ZFHX3: variants seen among roughly 807,000 people sequenced by gnomAD.
ZFHX3 encodes the protein zinc finger homeobox 3, also known as zinc finger homeobox protein 3.
Under a neutral mutation model 279.1 loss-of-function variants are expected in ZFHX3, and 42 were observed. That is an observed-to-expected ratio of 0.15 (90% confidence interval 0.12 to 0.19). ZFHX3 has a LOEUF of 0.19. Among genes scored for constraint, ZFHX3 ranks in the 10% least tolerant of loss-of-function variants. The probability of loss-of-function intolerance (pLI) is 1.00; values close to 1 mark genes in which losing one functional copy is unlikely to be tolerated. For missense variants in ZFHX3, 4,981 were observed against 4,754.0 expected (o/e 1.05, Z -1.40); for synonymous variants, 2,293 against 1,957.8 (o/e 1.17, Z -4.52).
chr16:73,800,943 G>A (rs1407190306), intron 1 of ZFHX3, among the ~76,000 whole-genome samples: 3 of 152,096 alleles, frequency 2.0e-5, no homozygotes, highest in African/African-American at 4.8e-5. Context: ...TCCGTTCTTC[G>A]GCCACTTGCC....
chr16:73,251,410 T>G (rs1379614533), intron 5 of ZFHX3, among the ~76,000 whole-genome samples: 1 of 152,154 alleles, frequency 6.6e-6, no homozygotes, highest in Non-Finnish European at 1.5e-5. Flanking sequence ...TGGCTCTAAA[T>G]CTGTTACGTG....
At chr16:72,934,545 T>G (rs1252853810) in intron 3 of ZFHX3, among the ~76,000 whole-genome samples, 2 of 152,260 alleles carry the variant, frequency 1.3e-5, no homozygotes, top group Admixed American at 6.5e-5. Context: ...CTTTGTCCTC[T>G]GTCTAGTTCA....
intron 2 of ZFHX3, among the ~76,000 whole-genome samples, chr16:73,489,649 A>G (rs2019027471): frequency 6.6e-6 from 1 of 152,238 alleles, no homozygotes; most frequent in Non-Finnish European, 1.5e-5. Flanking sequence ...TTCGGTTCTA[A>G]GAAAAAATAT....
intron 4 of ZFHX3, among the ~76,000 whole-genome samples, chr16:73,276,123 T>C (rs1327481850): frequency 2.6e-5 from 4 of 152,114 alleles, no homozygotes; most frequent in Admixed American, 2.0e-4. Flanking sequence ...TTGTGCTGTT[T>C]GTTTAGAAAA....
Position 73,225,335 on chromosome 16 carries a change from G to C in ZFHX3, c.-1104+31712C>G, listed in dbSNP as rs547653854. Among the ~76,000 whole-genome samples, 3 of 152,250 alleles carry C rather than the reference G, an allele frequency of 2.0e-5. No individual in the cohort carries two copies. The South Asian group carries it at 6.2e-4, about 32-fold the overall frequency. ...AAGCCAGGTTTTAAAAGATTTGAGGGCCTGGTGTGGTGGCTCACACTTGTA... is the reference window on the plus strand; with the variant it reads ...AAGCCAGGTTTTAAAAGATTTGAGGCCCTGGTGTGGTGGCTCACACTTGTA... On this transcript the variant is annotated intron_variant, in intron 5 of 17. Transcript: ENST00000641206.
chr16:73,836,809 C>G (rs138557721), intron 1 of ZFHX3, among the ~76,000 whole-genome samples: 1 of 152,308 alleles, frequency 6.6e-6, no homozygotes. Context: ...GTTCGTTAAG[C>G]TAGATTAATG....
Position 73,297,071 on chromosome 16 carries a change from G to A in ZFHX3, c.-1194+21169C>T, listed in dbSNP as rs555912726. On this transcript the variant is annotated intron_variant, in intron 4 of 17. Coordinates refer to the ZFHX3 transcript ENST00000641206. ...TTTTTGTATTTTTAGTAGAGACAGG[G>A]TTTCACCGTGTTAGCCAGGATGGTC... Among the ~76,000 whole-genome samples, 4 of 151,692 alleles carry A rather than the reference G, an allele frequency of 2.6e-5. No homozygotes were observed. In the East Asian group the frequency reaches 7.8e-4, roughly 29 times the overall value.
intron 2 of ZFHX3, among the ~76,000 whole-genome samples, chr16:73,506,899 A>G (rs938004814): frequency 6.6e-6 from 1 of 152,234 alleles, no homozygotes. Flanking sequence ...GCGATAATGC[A>G]TATTTTGTGT....
At chr16:73,105,457 AT>A (rs370445292) in intron 7 of ZFHX3, among the ~76,000 whole-genome samples, 1 of 120,454 alleles carries the variant, frequency 8.3e-6, no homozygotes, top group East Asian at 2.5e-4. Flanking sequence ...ATATATATAT[AT>A]TTTTTCCCCC....
intron 4 of ZFHX3, among the ~76,000 whole-genome samples, chr16:73,317,770 T>C (rs1289690588): frequency 1.3e-5 from 2 of 152,106 alleles, no homozygotes; most frequent in Admixed American, 6.5e-5. Context: ...CTTTCATTGT[T>C]TGGAGAATGT....
intron 3 of ZFHX3, among the ~76,000 whole-genome samples, chr16:72,903,847 C>A (rs1158838536): frequency 6.6e-6 from 1 of 152,220 alleles, no homozygotes; most frequent in Non-Finnish European, 1.5e-5. Context: ...CAGATCCCTG[C>A]ACTATGCAGA....
At chr16:73,679,227 C>A (rs1034005905) in intron 2 of ZFHX3, among the ~76,000 whole-genome samples, 3 of 151,868 alleles carry the variant, frequency 2.0e-5, no homozygotes, top group African/African-American at 7.3e-5. Context: ...TCAAAATGAA[C>A]GTCTCATGCA....
intron 1 of ZFHX3, among the ~76,000 whole-genome samples, chr16:73,697,092 A>G (rs8054016): frequency 0.14 from 21,876 of 152,228 alleles, 1,655 homozygotes; most frequent in Non-Finnish European, 0.17. Context: ...GAAATGCAGA[A>G]TGGAAAAAAT....
At chr16:73,064,875 G>A (rs765599526) in intron 8 of ZFHX3, among the ~76,000 whole-genome samples, 3 of 152,244 alleles carry the variant, frequency 2.0e-5, no homozygotes, top group Non-Finnish European at 2.9e-5. Context: ...CGCCTGCACC[G>A]CTGGCTAGCG....
chr16:73,273,914 G>A (rs1329224873), intron 4 of ZFHX3, among the ~76,000 whole-genome samples: 4 of 152,056 alleles, frequency 2.6e-5, no homozygotes, highest in Non-Finnish European at 4.4e-5. Context: ...AGGCCGAGGC[G>A]GGTGGATCAC....
intron 1 of ZFHX3, among the ~76,000 whole-genome samples, chr16:72,981,604 G>A (rs1376557644): frequency 1.3e-5 from 2 of 152,228 alleles, no homozygotes; most frequent in African/African-American, 2.4e-5. Context: ...GCTCCCAATT[G>A]GGCTGGTTCT....
chr16:73,120,114 T>C (rs1373598881), intron 7 of ZFHX3, among the ~76,000 whole-genome samples: 4 of 152,050 alleles, frequency 2.6e-5, no homozygotes, highest in African/African-American at 9.7e-5. Flanking sequence ...TTTGTTTTTT[T>C]TGTTTGTTTT....
At chr16:73,073,664 A>G (rs1597148039) in intron 8 of ZFHX3, among the ~76,000 whole-genome samples, 1 of 152,120 alleles carries the variant, frequency 6.6e-6, no homozygotes, top group African/African-American at 2.4e-5. Flanking sequence ...ATGCCCAGCT[A>G]ATTTTTGTAT....
At chr16:73,767,942 G>A (rs77656258) in intron 1 of ZFHX3, among the ~76,000 whole-genome samples, 1,785 of 152,288 alleles carry the variant, frequency 0.012, 15 homozygotes, top group South Asian at 0.026. Context: ...AAGACAGGGT[G>A]AAGCACCTTA....
Sources: gnomAD v4.1 joint callset for allele counts (sites outside exome capture counted in the v4.1 genomes callset) on GRCh38, gnomAD v4.1.1 for gene constraint, MANE v1.5 for transcripts, NCBI Gene and HGNC (gene_info 2026-07-23, HGNC 2026-07-21) for gene names.